Variants in STX8 observed in about 807,000 individuals in gnomAD.
STX8 encodes syntaxin-8.
Under a neutral mutation model 37.5 loss-of-function variants are expected in STX8, and 23 were observed. That is an observed-to-expected ratio of 0.61 (90% CI 0.44 to 0.87). The LOEUF is 0.87. Ranked by LOEUF, STX8 falls within the 40% of genes least tolerant of loss-of-function variation. The pLI, the probability that STX8 is intolerant of heterozygous loss-of-function variation, is 0.00. For synonymous variants in STX8, 115 were observed against 99.1 expected (o/e 1.16, Z -0.95); for missense variants, 313 against 284.7 (o/e 1.10, Z -0.71).
At chr17:9,265,828 C>T (rs1167267175) in intron 7 of STX8, among the ~76,000 whole-genome samples, 1 of 152,170 alleles carries the variant, frequency 6.6e-6, no homozygotes, top group Non-Finnish European at 1.5e-5. Flanking sequence ...TGGAGGGGGG[C>T]TTCAGTGTGT....
chr17:9,368,116 A>G (rs1423283507), intron 7 of STX8, among the ~76,000 whole-genome samples: 1 of 152,248 alleles, frequency 6.6e-6, no homozygotes, highest in Non-Finnish European at 1.5e-5. Context: ...ATAAAACATT[A>G]GGCAAATAAG....
At chr17:9,394,391 T>A (rs1912326803) in intron 6 of STX8, among the ~76,000 whole-genome samples, 1 of 152,070 alleles carries the variant, frequency 6.6e-6, no homozygotes, top group Admixed American at 6.5e-5. Flanking sequence ...TTCATTTTTT[T>A]TTTTGAGACT....
At chr17:9,265,402 C>G (rs1907199324) in intron 7 of STX8, among the ~76,000 whole-genome samples, 1 of 152,212 alleles carries the variant, frequency 6.6e-6, no homozygotes, top group African/African-American at 2.4e-5. Context: ...CCCTCCTTTC[C>G]TGGGCACACT....
chr17:9,306,282 TC>T (rs1282274731), intron 7 of STX8, among the ~76,000 whole-genome samples: 1 of 152,090 alleles, frequency 6.6e-6, no homozygotes. Flanking sequence ...ACTTAATGAC[TC>T]ATTTCTCAGA....
chr17:9,557,370 T>G (rs1386806125), intron 3 of STX8, 64 bp downstream of exon 3: 1 of 1,454,898 alleles, frequency 6.9e-7, no homozygotes, highest in East Asian at 2.3e-5. Context: ...ATTCCTTCCT[T>G]TCTTAAAATA....
chr17:9,341,019 TTA>T (rs35225211), intron 7 of STX8, among the ~76,000 whole-genome samples: 17,947 of 147,382 alleles, frequency 0.12, 1,152 homozygotes, highest in Middle Eastern at 0.18. Flanking sequence ...TAAATATATA[TTA>T]TATATATAAA....
chr17:9,425,867 C>T (rs1211518937), intron 6 of STX8, among the ~76,000 whole-genome samples: 2 of 152,138 alleles, frequency 1.3e-5, no homozygotes, highest in Non-Finnish European at 2.9e-5. Context: ...TCAGTACACA[C>T]ATCTAAAGGC....
At chr17:9,323,152 A>G (rs1909635504) in intron 7 of STX8, among the ~76,000 whole-genome samples, 1 of 152,210 alleles carries the variant, frequency 6.6e-6, no homozygotes, top group Non-Finnish European at 1.5e-5. Flanking sequence ...CAGAACTTAA[A>G]CAGATGCCAA....
At chr17:9,266,753 G>A (rs1273034180) in intron 7 of STX8, among the ~76,000 whole-genome samples, 1 of 152,130 alleles carries the variant, frequency 6.6e-6, no homozygotes, top group African/African-American at 2.4e-5. Context: ...ATAACCAAGG[G>A]CCACGGTGGG....
At chr17:9,445,490 G>A (rs1476442995) in intron 6 of STX8, among the ~76,000 whole-genome samples, 1 of 133,546 alleles carries the variant, frequency 7.5e-6, no homozygotes, top group Non-Finnish European at 1.6e-5. Context: ...TGGTGGCCGG[G>A]GAGGGGGGGA....
intron 7 of STX8, among the ~76,000 whole-genome samples, chr17:9,260,165 AT>A (rs1906956420): frequency 6.6e-6 from 1 of 152,200 alleles, no homozygotes. Context: ...TACAAAGAGT[AT>A]TTTTAAATTA....
chr17:9,488,326 T>TAAA (rs370708789), intron 6 of STX8, among the ~76,000 whole-genome samples: 95,832 of 148,942 alleles, frequency 0.64, 32,454 homozygotes, highest in Middle Eastern at 0.8. Context: ...AACTCTGTCT[T>TAAA]AAAAAAAAAA....
rs1229079109 is a variant in STX8 at position 9,252,546 on chromosome 17, T to C, written c.644-1901A>G. Among the ~76,000 whole-genome samples the C allele has an allele frequency of 2.7e-5, 4 of 146,318 alleles. No individual in the cohort carries two copies. The East Asian group carries it at 7.9e-4, about 29-fold the overall frequency. ...ATCGTTTGAACACGGGAGGCGGAGG[T>C]TGCAGTGAGCTGAGATCACACCACT... On this transcript the variant is annotated intron_variant, in intron 7 of 7. Transcript: ENST00000306357.
At chr17:9,482,311 G>C (rs138658999) in intron 6 of STX8, among the ~76,000 whole-genome samples, 53 of 151,868 alleles carry the variant, frequency 3.5e-4, no homozygotes, top group African/African-American at 1.2e-3. Flanking sequence ...CAAGTTAAAT[G>C]AATAAAGAAA....
chr17:9,424,981 A>G (rs1913574182), intron 6 of STX8, among the ~76,000 whole-genome samples: 1 of 152,328 alleles, frequency 6.6e-6, no homozygotes, highest in Admixed American at 6.5e-5. Flanking sequence ...TAGAGGATGA[A>G]GAGATCATCT....
At chr17:9,284,247 A>G (rs1907994696) in intron 7 of STX8, among the ~76,000 whole-genome samples, 1 of 152,222 alleles carries the variant, frequency 6.6e-6, no homozygotes, top group Non-Finnish European at 1.5e-5. Flanking sequence ...AGATATGTAC[A>G]ATTGTATGGT....
At chr17:9,416,956 C>G (rs1244164172) in intron 6 of STX8, among the ~76,000 whole-genome samples, 1 of 152,108 alleles carries the variant, frequency 6.6e-6, no homozygotes, top group African/African-American at 2.4e-5. Flanking sequence ...TTCTGGCAAC[C>G]AACTGCCTTG....
intron 3 of STX8, among the ~76,000 whole-genome samples, chr17:9,548,273 T>A (rs1029149309): frequency 6.6e-6 from 1 of 151,894 alleles, no homozygotes; most frequent in African/African-American, 2.4e-5. Context: ...CCCAGCTAAT[T>A]TTTGTGTTTT....
At chr17:9,367,277 C>T (rs1439080502) in intron 7 of STX8, among the ~76,000 whole-genome samples, 1 of 151,524 alleles carries the variant, frequency 6.6e-6, no homozygotes, top group African/African-American at 2.4e-5. Context: ...GGCGGCTTCT[C>T]ACTTCCCATT....
Sources: gnomAD v4.1 joint callset for allele counts (sites outside exome capture counted in the v4.1 genomes callset) on GRCh38, gnomAD v4.1.1 for gene constraint, MANE v1.5 for transcripts, NCBI Gene and HGNC (gene_info 2026-07-23, HGNC 2026-07-21) for gene names.